Variants in RBFOX3 observed in about 807,000 individuals in gnomAD.
The protein encoded by RBFOX3 is RNA binding protein fox-1 homolog 3.
A neutral mutation model predicts 48.7 loss-of-function variants in RBFOX3; 17 were observed. That is an observed-to-expected ratio of 0.35 (90% CI 0.24 to 0.52). The LOEUF is 0.52. RBFOX3 is among the 20% of genes least tolerant of loss of function. RBFOX3 has a pLI of 0.94. For synonymous variants in RBFOX3, 212 were observed against 209.5 expected, an observed-to-expected ratio of 1.01 and a Z score of -0.10; for missense variants, 382 against 497.5, an observed-to-expected ratio of 0.77 and a Z score of 2.21.
chr17:79,621,903 C>T, the RBFOX3 span, among the ~76,000 whole-genome samples: 1 of 151,780 alleles, frequency 6.6e-6, no homozygotes, highest in African/African-American at 2.4e-5. Flanking sequence ...TTCATGACAC[C>T]GCTTAAGAGA....
chr17:79,173,669 C>T (rs985530637), intron 4 of RBFOX3, among the ~76,000 whole-genome samples: 4 of 152,184 alleles, frequency 2.6e-5, no homozygotes, highest in Non-Finnish European at 4.4e-5. Flanking sequence ...CCATCCCGTC[C>T]GCTCACTGGG....
intron 3 of RBFOX3, among the ~76,000 whole-genome samples, chr17:79,270,078 C>G (rs1341122200): frequency 6.6e-6 from 1 of 152,156 alleles, no homozygotes; most frequent in Non-Finnish European, 1.5e-5. Flanking sequence ...GCCACCCTCT[C>G]GCTGGTCTTC....
chr17:79,091,990 T>C (rs1420978944), intron 14 of RBFOX3: 1 of 985,344 alleles, frequency 1.0e-6, no homozygotes, highest in African/African-American at 1.7e-5. Context: ...TTCAGCTGAA[T>C]GGGGCGAGGA....
chr17:79,194,539 G>A (rs1237033197), intron 4 of RBFOX3, among the ~76,000 whole-genome samples: 1 of 152,114 alleles, frequency 6.6e-6, no homozygotes, highest in Non-Finnish European at 1.5e-5. Context: ...CTGGGAGGCG[G>A]AGGTTGCAGT....
At chr17:79,289,267 A>C (rs967237973) in intron 3 of RBFOX3, among the ~76,000 whole-genome samples, 1 of 152,214 alleles carries the variant, frequency 6.6e-6, no homozygotes, top group African/African-American at 2.4e-5. Context: ...TGGCTGGCCC[A>C]AGCTTCAGTC....
At chr17:79,169,568 C>A (rs2048718176) in intron 4 of RBFOX3, among the ~76,000 whole-genome samples, 1 of 152,232 alleles carries the variant, frequency 6.6e-6, no homozygotes, top group South Asian at 2.1e-4. Context: ...ACCATGGGAC[C>A]CTGCACACTG....
At chr17:79,397,509 G>T (rs77938719) in intron 2 of RBFOX3, among the ~76,000 whole-genome samples, 68 of 134,374 alleles carry the variant, frequency 5.1e-4, no homozygotes, top group African/African-American at 1.8e-3. Context: ...AAAAAAAAAA[G>T]TGCGACCCCC....
the RBFOX3 span, among the ~76,000 whole-genome samples, chr17:79,626,257 TC>T: frequency 6.6e-6 from 1 of 152,076 alleles, no homozygotes; most frequent in Non-Finnish European, 1.5e-5. Context: ...TAGCAGACCC[TC>T]CAACCTTTGC....
At chr17:79,544,465 G>A (rs1160593030) in intron 1 of RBFOX3, among the ~76,000 whole-genome samples, 1 of 152,110 alleles carries the variant, frequency 6.6e-6, no homozygotes, top group Non-Finnish European at 1.5e-5. Context: ...GGAGGTGACA[G>A]AGAAGCACAG....
chr17:79,149,576 G>A (rs1385942964), intron 4 of RBFOX3, among the ~76,000 whole-genome samples: 5 of 152,176 alleles, frequency 3.3e-5, no homozygotes, highest in East Asian at 3.9e-4. Context: ...GGGGGGGTCC[G>A]TGGACGATTC....
intron 1 of RBFOX3, among the ~76,000 whole-genome samples, chr17:79,515,167 GAGGAGCAAC>G (rs1292749965): frequency 6.6e-6 from 1 of 152,204 alleles, no homozygotes; most frequent in Non-Finnish European, 1.5e-5. Context: ...ACCCTTTCCG[GAGGAGCAAC>G]ACTCAAGCCA....
the RBFOX3 span, among the ~76,000 whole-genome samples, chr17:79,644,850 A>G: frequency 2.6e-5 from 4 of 152,222 alleles, no homozygotes; most frequent in African/African-American, 7.2e-5. Context: ...TAGAAATTCA[A>G]TGCAACTGTA....
intron 1 of RBFOX3, among the ~76,000 whole-genome samples, chr17:79,610,304 C>T (rs1384578037): frequency 6.6e-6 from 1 of 152,034 alleles, no homozygotes; most frequent in African/African-American, 2.4e-5. Flanking sequence ...CACGTTGCAC[C>T]ACCGCCGGGT....
intron 2 of RBFOX3, among the ~76,000 whole-genome samples, chr17:79,385,726 GCTCTATCA>G (rs1402565193): frequency 6.6e-6 from 1 of 152,124 alleles, no homozygotes; most frequent in Non-Finnish European, 1.5e-5. Flanking sequence ...ACAGAAGGAG[GCTCTATCA>G]CCTCCTATTA....
chr17:79,397,980 G>A (rs144448400), intron 2 of RBFOX3, among the ~76,000 whole-genome samples: 9 of 152,186 alleles, frequency 5.9e-5, no homozygotes, highest in African/African-American at 2.2e-4. Flanking sequence ...TCTCGTCTGC[G>A]GTCCTGCACA....
chr17:79,241,167 C>G (rs2062312633), intron 3 of RBFOX3, among the ~76,000 whole-genome samples: 1 of 145,744 alleles, frequency 6.9e-6, no homozygotes, highest in Admixed American at 7.0e-5. Context: ...ATCTGTCTAT[C>G]TATTTAATCT....
At chr17:79,589,075 G>C (rs1051708152) in intron 1 of RBFOX3, among the ~76,000 whole-genome samples, 1 of 152,208 alleles carries the variant, frequency 6.6e-6, no homozygotes, top group East Asian at 1.9e-4. Context: ...TCCTGAGCTT[G>C]GACAGTTCTT....
At position 79,243,573 on chromosome 17, in the gene RBFOX3, G is replaced by A. The variant is rs2062713045; in HGVS notation, c.-73-7768C>T. Among the ~76,000 whole-genome samples the A allele has an allele frequency of 6.6e-6, 1 of 152,140 alleles. No individual in the cohort carries two copies. The highest frequency in any genetic ancestry group is 1.9e-4 in the East Asian group (1 of 5,180). On this transcript the variant is annotated intron_variant, in intron 3 of 14. Transcript: ENST00000693108. This position sits in a 1 kb window ranked among gnomAD's most constrained non-coding sequence, Gnocchi z 7.9. ...TCTGTCTGGTGGGATGAGGTCTGCA[G>A]GCACCTGGCTGCCCTCAGGTGGGAG...
Position 79,115,643 on chromosome 17 carries a change from G to T in RBFOX3, c.73C>A (p.Pro25Thr). Residue 25 changes from proline (P) to threonine (T), a missense_variant, in exon 5 of 15, where the codon CCC (proline) becomes ACC (threonine). Coordinates refer to ENST00000693108, the MANE Select transcript of RBFOX3 (RefSeq NM_001350451.2). ...QNGIPAEYAPPPPHPTQDYSG... is the reference protein window; with the variant it reads ...QNGIPAEYAPTPPHPTQDYSG... ...TAGTCCTGCGTGGGGTGCGGTGGGG[G>T]CGGGGCGTACTCGGCAGGGATGCCG... The T allele has an allele frequency of 7.0e-7, 1 of 1,437,522 alleles. No homozygotes were observed. Among genetic ancestry groups the T allele is most frequent in the South Asian group, 1.4e-5 (1 of 70,026 alleles). The allele number at this position is 1,437,522 out of a possible 1,614,324, so 89.0% of individuals were successfully genotyped here.
Sources: allele counts gnomAD v4.1 joint callset (sites outside exome capture counted in the v4.1 genomes callset), GRCh38; gene constraint gnomAD v4.1.1; non-coding constraint Gnocchi (gnomAD v3.1); transcripts MANE v1.5; gene names NCBI Gene and HGNC (gene_info 2026-07-23, HGNC 2026-07-21).